Variants in DNAJC5B observed in about 807,000 individuals in gnomAD.
The protein encoded by DNAJC5B is DnaJ heat shock protein family (Hsp40) member C5 beta.
DNAJC5B carries 23 observed loss-of-function variants against 24.7 expected under a neutral mutation model. The observed-to-expected ratio is 0.93, with a 90% CI of 0.67 to 1.32. DNAJC5B has a LOEUF of 1.32. Among genes scored for constraint, DNAJC5B ranks in the 40% most tolerant of loss-of-function variants. The probability of loss-of-function intolerance (pLI) is 0.00; values close to 1 mark genes in which losing one functional copy is unlikely to be tolerated. For missense variants in DNAJC5B, 238 were observed against 240.8 expected (o/e 0.99, Z 0.08); for synonymous variants, 101 against 90.1 (o/e 1.12, Z -0.68).
Position 66,100,025 on chromosome 8 carries a change from C to T in DNAJC5B, c.594C>T (p.Asp198=). 1 of 1,613,776 alleles carries T rather than the reference C, an allele frequency of 6.2e-7. No individual in the cohort carries two copies. The highest frequency in any genetic ancestry group is 8.5e-7 in the Non-Finnish European group (1 of 1,179,816). ...IKEGSRSYCT[D]S is the part of the protein sequence containing the mutation. ...AAGGATCTCGAAGTTATTGCACAGACTCTTGATATTGAGCCCTCAGAGAGT... is the reference window on the plus strand; with the variant it reads ...AAGGATCTCGAAGTTATTGCACAGATTCTTGATATTGAGCCCTCAGAGAGT... Residue 198 remains aspartate, a synonymous_variant, in exon 6 of 6, where the codon GAC becomes GAT. Transcript: ENST00000276570.
At chr8:66,090,953 A>T (rs544892910) in intron 5 of DNAJC5B, among the ~76,000 whole-genome samples, 3 of 152,330 alleles carry the variant, frequency 2.0e-5, no homozygotes, top group East Asian at 1.9e-4. Context: ...AGCAAGCACC[A>T]TCAAGCTCTT....
At chr8:66,039,414 C>T (rs1446306004) in intron 1 of DNAJC5B, among the ~76,000 whole-genome samples, 3 of 149,686 alleles carry the variant, frequency 2.0e-5, no homozygotes, top group Non-Finnish European at 4.4e-5. Flanking sequence ...AATGGTGCGA[C>T]CTTGCCTCAC....
At chr8:66,099,271 C>G (rs759033014) in intron 5 of DNAJC5B, among the ~76,000 whole-genome samples, 1 of 151,880 alleles carries the variant, frequency 6.6e-6, no homozygotes, top group Non-Finnish European at 1.5e-5. Context: ...GGTCTGCCAA[C>G]TTGTGTATTC....
chr8:66,077,014 C>A, intron 4 of DNAJC5B, 141 bp downstream of exon 4: 1 of 809,762 alleles, frequency 1.2e-6, no homozygotes, highest in Non-Finnish European at 2.0e-6. Flanking sequence ...CCACTGAATG[C>A]TATTATTTAG....
chr8:66,079,951 A>G (rs1807555305), intron 4 of DNAJC5B, among the ~76,000 whole-genome samples: 1 of 152,078 alleles, frequency 6.6e-6, no homozygotes. Context: ...GAGGTATCGG[A>G]CAGTTCATTC....
chr8:66,017,960 C>T (rs1805997760), upstream of DNAJC5B, among the ~76,000 whole-genome samples: 1 of 152,184 alleles, frequency 6.6e-6, no homozygotes, highest in South Asian at 2.1e-4. Flanking sequence ...CAATTCTTTT[C>T]TGAATACGTA....
chr8:66,080,332 C>G, intron 4 of DNAJC5B, 45 bp from the exon 5 acceptor site: 1 of 1,585,924 alleles, frequency 6.3e-7, no homozygotes, highest in Non-Finnish European at 8.6e-7. Context: ...CTCCCCTCAC[C>G]CCATCACCCC....
At chr8:66,076,627 C>G in intron 3 of DNAJC5B, 33 bp from the exon 4 acceptor site, 1 of 1,609,556 alleles carries the variant, frequency 6.2e-7, no homozygotes, top group Middle Eastern at 1.7e-4. Flanking sequence ...TGTCAAATAA[C>G]ACACTCTCCT....
intron 1 of DNAJC5B, among the ~76,000 whole-genome samples, chr8:66,033,772 T>C: frequency 1.8e-5 from 1 of 55,410 alleles, no homozygotes; most frequent in South Asian, 3.8e-4. Flanking sequence ...TCATTCCGCT[T>C]TTTTTTTTTT....
chr8:66,086,781 C>G (rs536496506), intron 5 of DNAJC5B, among the ~76,000 whole-genome samples: 17 of 152,212 alleles, frequency 1.1e-4, no homozygotes, highest in African/African-American at 3.8e-4. Flanking sequence ...AAGATTACCA[C>G]AGGAAATTAA....
At chr8:66,083,329 T>C (rs941830636) in intron 5 of DNAJC5B, among the ~76,000 whole-genome samples, 2 of 152,120 alleles carry the variant, frequency 1.3e-5, no homozygotes. Context: ...ATATTTTCTA[T>C]GAAAAAAATA....
intron 1 of DNAJC5B, among the ~76,000 whole-genome samples, chr8:66,023,130 A>T (rs1806176932): frequency 6.6e-6 from 1 of 152,230 alleles, no homozygotes; most frequent in African/African-American, 2.4e-5. Context: ...GAGAAACCAC[A>T]CAGAGAAGTG....
chr8:66,068,283 ACTAT>A (rs968543379), intron 3 of DNAJC5B, among the ~76,000 whole-genome samples: 80 of 152,332 alleles, frequency 5.3e-4, no homozygotes, highest in African/African-American at 1.8e-3. Flanking sequence ...TCTTAAAATA[ACTAT>A]CTATGACCAA....
chr8:66,040,825 CTA>C (rs1377247240), intron 1 of DNAJC5B, among the ~76,000 whole-genome samples: 3 of 152,138 alleles, frequency 2.0e-5, no homozygotes, highest in Non-Finnish European at 2.9e-5. Flanking sequence ...TTCGATAATT[CTA>C]TGTTTTATAC....
Position 66,099,113 on chromosome 8 carries a change from T to C in DNAJC5B, c.506-824T>C, listed in dbSNP as rs184288922. Among the ~76,000 whole-genome samples, 575 of 152,168 alleles carry C rather than the reference T, an allele frequency of 3.8e-3. 2 individuals carry two copies. Among genetic ancestry groups the C allele is most frequent in the South Asian group, 7.9e-3 (38 of 4,826 alleles). On this transcript the variant is annotated intron_variant, in intron 5 of 5. Coordinates refer to ENST00000276570, the MANE Select transcript of DNAJC5B (RefSeq NM_033105.6). The stretch of plus-strand genomic sequence containing the variant: ...AGTTTTTATTATGAGCTCATGTTTC[T>C]TGCAATTTTATAATGATATTTTGAG...
chr8:66,076,165 G>A (rs529967742), intron 3 of DNAJC5B, among the ~76,000 whole-genome samples: 1 of 152,334 alleles, frequency 6.6e-6, no homozygotes, highest in African/African-American at 2.4e-5. Context: ...TAGGACTTGT[G>A]GAAGATTAAT....
At chr8:66,017,356 T>C (rs1805981880), upstream of DNAJC5B, among the ~76,000 whole-genome samples, 1 of 152,218 alleles carries the variant, frequency 6.6e-6, no homozygotes, top group Non-Finnish European at 1.5e-5. Context: ...TGTTGGGGTA[T>C]ATAGTACTAC....
At chr8:66,091,677 T>C (rs1026423943) in intron 5 of DNAJC5B, among the ~76,000 whole-genome samples, 3 of 151,988 alleles carry the variant, frequency 2.0e-5, no homozygotes, top group African/African-American at 7.2e-5. Context: ...AAATGAAACA[T>C]GATAAGTGGA....
intron 5 of DNAJC5B, among the ~76,000 whole-genome samples, chr8:66,099,250 A>G (rs1473210143): frequency 1.3e-5 from 2 of 151,920 alleles, no homozygotes; most frequent in Admixed American, 1.3e-4. Context: ...ACACAGAGGT[A>G]TTGAAAACTT....
Sources: gnomAD v4.1 joint callset for allele counts (sites outside exome capture counted in the v4.1 genomes callset) on GRCh38, gnomAD v4.1.1 for gene constraint, MANE v1.5 for transcripts, NCBI Gene and HGNC (gene_info 2026-07-23, HGNC 2026-07-21) for gene names.